Variants in IGF2R observed in about 807,000 individuals in gnomAD.
IGF2R encodes cation-independent mannose-6-phosphate receptor.
Under a neutral mutation model 270.6 loss-of-function variants are expected in IGF2R, and 91 were observed. The ratio of observed to expected loss-of-function variants is 0.34; its 90% CI spans 0.28 to 0.40. IGF2R has a LOEUF of 0.40. Among genes scored for constraint, IGF2R ranks in the 10% least tolerant of loss-of-function variants. IGF2R has a pLI of 1.00. For synonymous variants in IGF2R, 1,316 were observed against 1,258.9 expected, an observed-to-expected ratio of 1.05 and a Z score of -0.96; for missense variants, 2,805 against 3,188.3, an observed-to-expected ratio of 0.88 and a Z score of 2.90.
chr6:160,014,399 C>A (rs867061189), intron 4 of IGF2R, among the ~76,000 whole-genome samples: 3 of 152,170 alleles, frequency 2.0e-5, no homozygotes, highest in Admixed American at 2.0e-4. Flanking sequence ...GGGTGTTCCC[C>A]AGTAGCCTTG....
chr6:160,083,908 A>G, intron 39 of IGF2R, 42 bp from the exon 40 acceptor site: 1 of 1,335,458 alleles, frequency 7.5e-7, no homozygotes, highest in South Asian at 1.2e-5. Flanking sequence ...GCATAGACAC[A>G]GTGACAGTCT....
chr6:159,985,945 A>T (rs1415820751), intron 1 of IGF2R, among the ~76,000 whole-genome samples: 1 of 152,218 alleles, frequency 6.6e-6, no homozygotes, highest in African/African-American at 2.4e-5. Flanking sequence ...GTTCTTGGAA[A>T]GATGGTTTTG....
chr6:160,035,470 C>CA (rs1365558005), intron 10 of IGF2R, among the ~76,000 whole-genome samples: 1 of 152,204 alleles, frequency 6.6e-6, no homozygotes, highest in Non-Finnish European at 1.5e-5. Context: ...GGTAGCACCG[C>CA]ACCCCTGCGA....
In IGF2R at chr6:159,991,221, C is replaced by CT; in HGVS notation, c.190dup (p.Tyr64LeufsTer2). 1 of 1,612,718 alleles carries CT rather than the reference C, an allele frequency of 6.2e-7. No individual in the cohort carries two copies. On this transcript the variant is annotated frameshift_variant, in exon 2 of 48. Transcript: ENST00000356956. LOFTEE classifies it high-confidence loss of function. ...AGCTGTTGATACCAAAAATAATGTACTTTATAAAATCAACATCTGTGGAAG... is the reference window on the plus strand; with the variant it reads ...AGCTGTTGATACCAAAAATAATGTACTTTTATAAAATCAACATCTGTGGAAG...
At position 160,076,660 on chromosome 6, in the gene IGF2R, T is replaced by C. The variant is rs529091769; in HGVS notation, c.5316+664T>C. ...GCTACTGCACAGGGGAACAGCTCTT[T>C]GCTCCAGGGACACAGCACCACAGCC... On this transcript the variant is annotated intron_variant, in intron 36 of 47. Transcript: ENST00000356956. 4.6e-5 allele frequency among the ~76,000 whole-genome samples: 7 copies of C among 152,338 alleles called. No homozygotes were observed. In the East Asian group the frequency reaches 1.4e-3, roughly 29 times the overall value.
At chr6:160,031,936 A>T (rs888669161) in intron 7 of IGF2R, among the ~76,000 whole-genome samples, 1 of 152,010 alleles carries the variant, frequency 6.6e-6, no homozygotes, top group Non-Finnish European at 1.5e-5. Context: ...TCAAAGACGA[A>T]TGGTGGAGCT....
In IGF2R at chr6:160,080,013, T is replaced by C. The variant is rs1180067170; in HGVS notation, c.5687-116T>C. The C allele has an allele frequency of 2.4e-6, 3 of 1,275,072 alleles. No homozygotes were observed. In the African/African-American group the frequency reaches 4.4e-5, roughly 19 times the overall value. 79.0% of individuals were successfully genotyped at this position (1,275,072 alleles called of 1,614,324 possible). On this transcript the variant is annotated intron_variant, in intron 38 of 47. Coordinates refer to ENST00000356956, the MANE Select transcript of IGF2R (RefSeq NM_000876.4). ...GTGAGTTTTGGCAGGTGAATGCCGGTTGTCACGTAGGTGCTTTAGGATGGG... is the reference window on the plus strand; with the variant it reads ...GTGAGTTTTGGCAGGTGAATGCCGGCTGTCACGTAGGTGCTTTAGGATGGG...
chr6:160,079,081 C>T (rs1305692491), intron 37 of IGF2R, among the ~76,000 whole-genome samples: 2 of 152,202 alleles, frequency 1.3e-5, no homozygotes, highest in African/African-American at 2.4e-5. Context: ...TGTCAACACC[C>T]TGGCTCCTGT....
At chr6:160,043,883 C>T (rs1304139543) in intron 12 of IGF2R, among the ~76,000 whole-genome samples, 1 of 152,084 alleles carries the variant, frequency 6.6e-6, no homozygotes, top group Non-Finnish European at 1.5e-5. Flanking sequence ...GAATTGTGAG[C>T]CTCGTTGGAT....
chr6:160,026,699 A>G (rs1777567402), intron 5 of IGF2R, among the ~76,000 whole-genome samples: 1 of 152,224 alleles, frequency 6.6e-6, no homozygotes, highest in South Asian at 2.1e-4. Context: ...TTCATCTTTA[A>G]TCCTCCACCA....
At chr6:160,077,796 G>A (rs550740498) in intron 36 of IGF2R, among the ~76,000 whole-genome samples, 10 of 152,342 alleles carry the variant, frequency 6.6e-5, no homozygotes, top group Admixed American at 2.0e-4. Flanking sequence ...GGAATATCTG[G>A]CCATGTGGCA....
At position 159,986,430 on chromosome 6, in the gene IGF2R, G is replaced by GT. The variant is rs5741634; in HGVS notation, c.150-4738dup. Reference sequence around the variant, plus strand: ...TGTGTGTGTGTGTGTGTGTGTGTGTGTTTTTTTTTTTTTTTTAAGTAGATT... The same window carrying GT: ...TGTGTGTGTGTGTGTGTGTGTGTGTGTTTTTTTTTTTTTTTTTAAGTAGATT... On this transcript the variant is annotated intron_variant, in intron 1 of 47. Coordinates refer to ENST00000356956, the MANE Select transcript of IGF2R (RefSeq NM_000876.4). Among the ~76,000 whole-genome samples the GT allele has an allele frequency of 7.3e-4, 85 of 116,872 alleles. 1 individual carries two copies. Among genetic ancestry groups the GT allele is most frequent in the Middle Eastern group, 4.8e-3 (1 of 208 alleles). The allele number at this position is 116,872 out of a possible 152,430, so 76.7% of individuals were successfully genotyped here. A position where few individuals can be genotyped will look rare whatever the true frequency, so the allele number is the denominator to read the frequency against.
chr6:159,981,394 C>T (rs972557575), intron 1 of IGF2R, among the ~76,000 whole-genome samples: 1 of 152,080 alleles, frequency 6.6e-6, no homozygotes, highest in African/African-American at 2.4e-5. Context: ...TTCATCAGCT[C>T]CTAGGAGATG....
intron 2 of IGF2R, among the ~76,000 whole-genome samples, chr6:160,000,728 GTTTTTTTTT>G (rs59215791): frequency 1.4e-5 from 1 of 69,948 alleles, no homozygotes; most frequent in Admixed American, 2.1e-4. Context: ...GTGTGAGGTT[GTTTTTTTTT>G]TTTTTTTTTT....
At chr6:159,991,345 T>C (rs930242864) in intron 2 of IGF2R, 22 bp downstream of exon 2, 4 of 1,602,100 alleles carry the variant, frequency 2.5e-6, no homozygotes, top group South Asian at 1.1e-5. Context: ...TACCTGAAAT[T>C]ACTGGATTGG....
At chr6:160,082,553 G>T (rs1000575489) in intron 39 of IGF2R, among the ~76,000 whole-genome samples, 1 of 152,212 alleles carries the variant, frequency 6.6e-6, no homozygotes, top group Non-Finnish European at 1.5e-5. Flanking sequence ...CTCATGATCC[G>T]CCCACCTCGG....
At chr6:160,087,649 A>G (rs1779123149) in intron 41 of IGF2R, among the ~76,000 whole-genome samples, 1 of 152,088 alleles carries the variant, frequency 6.6e-6, no homozygotes, top group East Asian at 1.9e-4. Flanking sequence ...TACTCCTAAC[A>G]TTGAAGCTTT....
intron 1 of IGF2R, among the ~76,000 whole-genome samples, chr6:159,983,758 C>A (rs377422770): frequency 3.3e-5 from 5 of 152,226 alleles, no homozygotes; most frequent in African/African-American, 1.2e-4. Flanking sequence ...GGAGAGTGTG[C>A]ATCTGAGTTG....
At chr6:160,093,279 A>C in intron 44 of IGF2R, 1 of 216,144 alleles carries the variant, frequency 4.6e-6, no homozygotes, top group Non-Finnish European at 9.3e-6. Context: ...TTGATCACTC[A>C]GGTACTGCAT....
Sources: gnomAD v4.1 joint callset for allele counts (sites outside exome capture counted in the v4.1 genomes callset) on GRCh38, gnomAD v4.1.1 for gene constraint, MANE v1.5 for transcripts, NCBI Gene and HGNC (gene_info 2026-07-23, HGNC 2026-07-21) for gene names.